Variants in LRP1B observed in about 807,000 individuals in gnomAD.
LRP1B encodes the protein low-density lipoprotein receptor-related protein 1B.
Under a neutral mutation model 556.6 loss-of-function variants are expected in LRP1B, and 217 were observed. The observed-to-expected ratio is 0.39, with a 90% CI of 0.35 to 0.44. The LOEUF (loss-of-function observed/expected upper bound fraction) is 0.44. Ranked by LOEUF, LRP1B falls within the 20% of genes least tolerant of loss-of-function variation. The pLI is 1.00. For synonymous variants in LRP1B, 2,047 were observed against 1,865.8 expected (o/e 1.10, Z -2.50); for missense variants, 5,053 against 5,620.8 (o/e 0.90, Z 3.23).
chr2:141,139,016 A>G (rs75999052), intron 7 of LRP1B, among the ~76,000 whole-genome samples: 12,114 of 151,990 alleles, frequency 0.08, 531 homozygotes, highest in South Asian at 0.17. Flanking sequence ...TCAATAGGAC[A>G]GAATAAATAT....
chr2:141,721,930 G>A (rs1187998848), intron 2 of LRP1B, among the ~76,000 whole-genome samples: 4 of 152,158 alleles, frequency 2.6e-5, no homozygotes, highest in African/African-American at 9.7e-5. Flanking sequence ...ACAGACCCTA[G>A]TAGGTTAAAA....
chr2:141,770,377 C>A (rs1574340791), intron 2 of LRP1B, among the ~76,000 whole-genome samples: 1 of 152,142 alleles, frequency 6.6e-6, no homozygotes, highest in Non-Finnish European at 1.5e-5. Context: ...CACATCAAAG[C>A]TGAGACATGA....
intron 3 of LRP1B, among the ~76,000 whole-genome samples, chr2:141,288,210 T>G (rs559194480): frequency 2.7e-5 from 4 of 150,830 alleles, no homozygotes; most frequent in Admixed American, 2.6e-4. Flanking sequence ...TATCTTATTG[T>G]AGACATCTCA....
At chr2:140,664,468 A>C (rs1685200730) in intron 41 of LRP1B, among the ~76,000 whole-genome samples, 1 of 152,182 alleles carries the variant, frequency 6.6e-6, no homozygotes, top group Non-Finnish European at 1.5e-5. Context: ...AAAGATAAAG[A>C]AAAAAATTAA....
At chr2:141,180,603 A>C (rs1464368742) in intron 7 of LRP1B, among the ~76,000 whole-genome samples, 2 of 151,942 alleles carry the variant, frequency 1.3e-5, no homozygotes, top group Admixed American at 6.6e-5. Context: ...TCAGTTTCCT[A>C]AACTATGTCT....
intron 82 of LRP1B, among the ~76,000 whole-genome samples, chr2:140,320,025 C>A (rs1680015694): frequency 6.6e-6 from 1 of 152,110 alleles, no homozygotes. Flanking sequence ...TTTCCTTTAC[C>A]CACCATATTT....
rs572209595 is a variant in LRP1B, at chr2:140,347,455, A to C, written c.11892+3342T>G. Among the ~76,000 whole-genome samples the C allele has an allele frequency of 6.0e-5, 9 of 151,206 alleles. No homozygotes were observed. In the East Asian group the frequency reaches 1.7e-3, roughly 29 times the overall value. Reference sequence around the variant, plus strand: ...TAGATCACAGAAGAGTATTCCCTTCACAATTTCCAAAAAAAAAAAAGAAAC... The same window carrying C: ...TAGATCACAGAAGAGTATTCCCTTCCCAATTTCCAAAAAAAAAAAAGAAAC... On this transcript the variant is annotated intron_variant, in intron 77 of 90. Transcript: ENST00000389484.
intron 11 of LRP1B, 77 bp from the exon 12 acceptor site, chr2:141,020,179 C>T (rs2105397600): frequency 1.1e-6 from 1 of 888,114 alleles, no homozygotes; most frequent in African/African-American, 1.7e-5. Flanking sequence ...TAATAGCTAC[C>T]TAATAAAAAC....
chr2:141,697,710 C>T (rs1043850503), intron 2 of LRP1B, among the ~76,000 whole-genome samples: 2 of 151,796 alleles, frequency 1.3e-5, no homozygotes, highest in South Asian at 2.1e-4. Context: ...ATGCTTGAAA[C>T]GAATTAAGAG....
chr2:141,236,184 A>G (rs994599505), intron 5 of LRP1B, among the ~76,000 whole-genome samples: 2 of 152,088 alleles, frequency 1.3e-5, no homozygotes, highest in African/African-American at 4.8e-5. Context: ...AAATTGACAT[A>G]AATTGATATG....
chr2:141,859,650 G>C (rs1422453953), intron 1 of LRP1B, among the ~76,000 whole-genome samples: 2 of 152,108 alleles, frequency 1.3e-5, no homozygotes, highest in African/African-American at 4.8e-5. Context: ...AAAGAATTTT[G>C]ACTGCTCTCA....
rs1383330832 is a variant in LRP1B at position 141,049,090 on chromosome 2, T to C, written c.1685A>G (p.Asp562Gly). 1.2e-6 allele frequency: 2 copies of C among 1,613,648 alleles called. No homozygotes were observed. The highest frequency in any genetic ancestry group is 2.2e-5 in the South Asian group (2 of 91,074). The change falls in exon 11 of 91, where the codon GAC becomes GGC. Residue 562 changes from aspartate to glycine, a missense_variant. By Grantham distance (94) the Asp-to-Gly change is moderately conservative. Coordinates refer to ENST00000389484, the MANE Select transcript of LRP1B (RefSeq NM_018557.3). ...GATGTAATTGGTTTCTGCGTGAAAGTCTAAAGCACGAGGGTTTACCAGATT... is the reference window on the plus strand; with the variant it reads ...GATGTAATTGGTTTCTGCGTGAAAGCCTAAAGCACGAGGGTTTACCAGATT... Reference protein sequence around the residue: ...IENLVNPRALDFHAETNYIYF... With the variant: ...IENLVNPRALGFHAETNYIYF...
chr2:141,521,613 CAT>C (rs1684532572), intron 2 of LRP1B, among the ~76,000 whole-genome samples: 1 of 151,752 alleles, frequency 6.6e-6, no homozygotes, highest in South Asian at 2.1e-4. Context: ...ATAAAACAAT[CAT>C]ATATAGTTAT....
rs563404339 is a variant in LRP1B, at chr2:141,232,349, T to C, written c.593-2909A>G. On this transcript the variant is annotated intron_variant, in intron 5 of 90. Transcript: ENST00000389484. ...TAGTGTCTTCATTTGACAACTGAAA[T>C]GACCTTTAGTGAAACTACTTTCACT... Among the ~76,000 whole-genome samples, 3 of 152,320 alleles carry C rather than the reference T, an allele frequency of 2.0e-5. No individual in the cohort carries two copies. In the East Asian group the frequency reaches 5.8e-4, roughly 29 times the overall value.
chr2:141,912,624 C>T (rs557829396), intron 1 of LRP1B, among the ~76,000 whole-genome samples: 1 of 152,058 alleles, frequency 6.6e-6, no homozygotes, highest in Non-Finnish European at 1.5e-5. Context: ...GAACATGCCA[C>T]TCTGGTATAT....
In LRP1B at chr2:140,744,015, T is replaced by G. The variant is rs550340887; in HGVS notation, c.5758+25198A>C. Among the ~76,000 whole-genome samples, 365 of 93,058 alleles carry G rather than the reference T, an allele frequency of 3.9e-3. 2 individuals are homozygous for G. The highest frequency in any genetic ancestry group is 8.9e-3 in the Middle Eastern group (1 of 112). 61.0% of individuals were successfully genotyped at this position (93,058 alleles called of 152,430 possible). A position where few individuals can be genotyped will look rare whatever the true frequency, so the allele number is the denominator to read the frequency against. On this transcript the variant is annotated intron_variant, in intron 35 of 90. Transcript: ENST00000389484. Reference sequence around the variant, plus strand: ...AAGTAAAAAGTAAAATCCATAGACATAGACTAAAACAGTGGTTATCAGTGG... The same window carrying G: ...AAGTAAAAAGTAAAATCCATAGACAGAGACTAAAACAGTGGTTATCAGTGG...
intron 43 of LRP1B, among the ~76,000 whole-genome samples, chr2:140,549,836 G>A (rs934426208): frequency 1.3e-5 from 2 of 152,012 alleles, no homozygotes; most frequent in South Asian, 2.1e-4. Context: ...GCCTAGCATC[G>A]GCTGTAGTGT....
chr2:141,277,921 A>C (rs1020932222), intron 3 of LRP1B, among the ~76,000 whole-genome samples: 1 of 152,150 alleles, frequency 6.6e-6, no homozygotes, highest in Non-Finnish European at 1.5e-5. Flanking sequence ...CAAAAATCCC[A>C]AAATAAAATA....
chr2:141,094,917 C>A (rs1300362925), intron 7 of LRP1B, among the ~76,000 whole-genome samples: 1 of 152,108 alleles, frequency 6.6e-6, no homozygotes, highest in African/African-American at 2.4e-5. Context: ...TTGAATGTGT[C>A]CCCCCAAAAA....
Sources: allele counts gnomAD v4.1 joint callset (sites outside exome capture counted in the v4.1 genomes callset), GRCh38; gene constraint gnomAD v4.1.1; transcripts MANE v1.5; gene names NCBI Gene and HGNC (gene_info 2026-07-23, HGNC 2026-07-21).